LTBP1: variants seen among roughly 807,000 people sequenced by gnomAD.
LTBP1 encodes the protein latent-transforming growth factor beta-binding protein 1.
A neutral mutation model predicts 207.6 loss-of-function variants in LTBP1; 129 were observed. That is an observed-to-expected ratio of 0.62 (90% CI 0.54 to 0.72). The LOEUF is 0.72. LTBP1 is among the 30% of genes least tolerant of loss of function. The pLI, the probability that LTBP1 is intolerant of heterozygous loss-of-function variation, is 0.00. For synonymous variants in LTBP1, 963 were observed against 833.7 expected, an observed-to-expected ratio of 1.16 and a Z score of -2.67; for missense variants, 2,281 against 2,217.2, an observed-to-expected ratio of 1.03 and a Z score of -0.58.
At chr2:33,092,464 C>A (rs1297100300) in intron 3 of LTBP1, among the ~76,000 whole-genome samples, 1 of 152,216 alleles carries the variant, frequency 6.6e-6, no homozygotes, top group African/African-American at 2.4e-5. Flanking sequence ...TTTAGAATTA[C>A]AATATAGACT....
intron 2 of LTBP1, among the ~76,000 whole-genome samples, chr2:33,001,304 C>T (rs1276785485): frequency 7.4e-6 from 1 of 134,798 alleles, no homozygotes; most frequent in African/African-American, 2.6e-5. Flanking sequence ...TTTTTCTGCA[C>T]GAGAATCATC....
intron 24 of LTBP1, among the ~76,000 whole-genome samples, chr2:33,341,736 A>G (rs1283658597): frequency 7.0e-6 from 1 of 143,382 alleles, no homozygotes; most frequent in Non-Finnish European, 1.5e-5. Flanking sequence ...AAAAATATAT[A>G]TATATATATG....
At chr2:33,199,558 C>G (rs1285661347) in intron 7 of LTBP1, among the ~76,000 whole-genome samples, 3 of 152,162 alleles carry the variant, frequency 2.0e-5, no homozygotes, top group African/African-American at 7.2e-5. Flanking sequence ...CCTTTGAAAA[C>G]TGGCACAAGA....
chr2:33,173,166 G>C (rs1261053463), intron 5 of LTBP1, among the ~76,000 whole-genome samples: 16 of 152,230 alleles, frequency 1.1e-4, no homozygotes, highest in South Asian at 4.2e-4. Flanking sequence ...GAGCAGAAGT[G>C]AAGGAAATAG....
At chr2:33,155,050 G>A (rs1236534838) in intron 5 of LTBP1, among the ~76,000 whole-genome samples, 1 of 152,126 alleles carries the variant, frequency 6.6e-6, no homozygotes, top group Non-Finnish European at 1.5e-5. Context: ...GCTACAGAGT[G>A]AGACTCCATC....
intron 9 of LTBP1, among the ~76,000 whole-genome samples, chr2:33,229,175 A>C (rs1262295358): frequency 6.6e-6 from 1 of 152,244 alleles, no homozygotes; most frequent in Non-Finnish European, 1.5e-5. Context: ...TTCATTAAAA[A>C]GTGATGGTTA....
At chr2:33,344,940 T>G (rs1373230184) in intron 25 of LTBP1, among the ~76,000 whole-genome samples, 1 of 152,196 alleles carries the variant, frequency 6.6e-6, no homozygotes, top group East Asian at 1.9e-4. Flanking sequence ...ACCAGCCAGA[T>G]GAGCACACCA....
At chr2:33,252,407 C>T (rs575176870) in intron 10 of LTBP1, among the ~76,000 whole-genome samples, 11 of 152,268 alleles carry the variant, frequency 7.2e-5, no homozygotes, top group East Asian at 1.9e-4. Context: ...CTCTTCATTA[C>T]GCACACATAC....
intron 2 of LTBP1, among the ~76,000 whole-genome samples, chr2:33,007,442 T>C (rs1417367393): frequency 2.0e-5 from 3 of 152,238 alleles, no homozygotes; most frequent in Admixed American, 2.0e-4. Flanking sequence ...TCTCATTCAT[T>C]GTAGCTTTTA....
intron 11 of LTBP1, 78 bp from the exon 12 acceptor site, chr2:33,257,206 A>G: frequency 6.7e-6 from 7 of 1,038,728 alleles, no homozygotes; most frequent in South Asian, 4.2e-5. Flanking sequence ...ATTAAGAGCT[A>G]TTCATCATGA....
chr2:33,042,148 G>C lies in LTBP1; in HGVS notation c.863+20942G>C, dbSNP rs139883799. 3.8e-3 allele frequency among the ~76,000 whole-genome samples: 574 copies of C among 152,226 alleles called. 4 individuals carry two copies. Among genetic ancestry groups the C allele is most frequent in the African/African-American group, 0.013 (552 of 41,526 alleles). On this transcript the variant is annotated intron_variant, in intron 3 of 33. Coordinates refer to ENST00000404816, the MANE Select transcript of LTBP1 (RefSeq NM_206943.4). ...TGCATATGCGTACTTGCCATCCATAGATCTTCTTTGGTGAAGTGGACCTTT... is the reference window on the plus strand; with the variant it reads ...TGCATATGCGTACTTGCCATCCATACATCTTCTTTGGTGAAGTGGACCTTT...
At chr2:33,002,420 G>A (rs770724859) in intron 2 of LTBP1, among the ~76,000 whole-genome samples, 1 of 152,186 alleles carries the variant, frequency 6.6e-6, no homozygotes, top group Non-Finnish European at 1.5e-5. Flanking sequence ...TGTGAGGCTG[G>A]CTGGCTGCTT....
chr2:33,252,727 A>G lies in LTBP1; in HGVS notation c.2050A>G (p.Ser684Gly), dbSNP rs765775665. 4 of 1,613,820 alleles carry G rather than the reference A, an allele frequency of 2.5e-6. No homozygotes were observed. Among genetic ancestry groups the G allele is most frequent in the Non-Finnish European group, 2.5e-6 (3 of 1,179,802 alleles). Reference sequence around the variant, plus strand: ...GAAAGGGCCCTGTTACCGACTTGTCAGTTCTGGAAGACAGTGTATGCACCC... The same window carrying G: ...GAAAGGGCCCTGTTACCGACTTGTCGGTTCTGGAAGACAGTGTATGCACCC... ...EEKGPCYRLV[S>G]SGRQCMHPLS... is the part of the protein sequence containing the mutation. Residue 684 changes from serine (S) to glycine (G), a missense_variant, in exon 11 of 34, where the codon AGT (serine) becomes GGT (glycine). Physicochemically the swap from Ser to Gly is moderately conservative, Grantham distance 56 (BLOSUM62 0). This residue lies in a region of LTBP1 where 1,671 missense variants were observed against 1,634.8 expected (regional missense o/e 1.02). Transcript: ENST00000404816.
chr2:33,075,688 C>T (rs2078041991), intron 3 of LTBP1, among the ~76,000 whole-genome samples: 1 of 152,124 alleles, frequency 6.6e-6, no homozygotes, highest in Non-Finnish European at 1.5e-5. Flanking sequence ...TGCCTGTTAC[C>T]AATTTACCTA....
At chr2:33,341,729 A>AAAAAAAAAATATATAT (rs745445793) in intron 24 of LTBP1, among the ~76,000 whole-genome samples, 19 of 93,614 alleles carry the variant, frequency 2.0e-4, no homozygotes, top group African/African-American at 9.2e-4. Context: ...AAAAAAAAAA[A>AAAAAAAAAATATATAT]ATATATATAT....
chr2:33,312,836 C>T (rs766398223), intron 23 of LTBP1, among the ~76,000 whole-genome samples: 18 of 152,162 alleles, frequency 1.2e-4, no homozygotes, highest in Non-Finnish European at 1.9e-4. Flanking sequence ...AAGGGCCACA[C>T]TGAGGCATAG....
chr2:32,964,750 A>G (rs1005624697), intron 2 of LTBP1, among the ~76,000 whole-genome samples: 6 of 150,356 alleles, frequency 4.0e-5, no homozygotes, highest in African/African-American at 1.5e-4. Flanking sequence ...TATGTCAAAA[A>G]TATTTTTTAA....
chr2:33,261,991 C>T (rs923427830), intron 13 of LTBP1, among the ~76,000 whole-genome samples: 15 of 152,168 alleles, frequency 9.9e-5, no homozygotes, highest in African/African-American at 3.6e-4. Flanking sequence ...AGTCACAGAT[C>T]CTTAACTAGG....
At chr2:33,065,299 T>C (rs1339944328) in intron 3 of LTBP1, among the ~76,000 whole-genome samples, 2 of 152,214 alleles carry the variant, frequency 1.3e-5, no homozygotes, top group Non-Finnish European at 2.9e-5. Flanking sequence ...GTTATACCTG[T>C]AATCCCAGCT....
Sources: allele counts gnomAD v4.1 joint callset (sites outside exome capture counted in the v4.1 genomes callset), GRCh38; gene constraint gnomAD v4.1.1; regional missense constraint gnomAD v4.1.1; transcripts MANE v1.5; gene names NCBI Gene and HGNC (gene_info 2026-07-23, HGNC 2026-07-21).